Variants in RCAN2 observed in about 807,000 individuals in gnomAD.
RCAN2 encodes the protein calcipressin-2.
A neutral mutation model predicts 23.6 loss-of-function variants in RCAN2; 9 were observed. The ratio of observed to expected loss-of-function variants is 0.38; its 90% CI spans 0.23 to 0.67. The LOEUF (loss-of-function observed/expected upper bound fraction) is 0.67. Ranked by LOEUF, RCAN2 falls within the 30% of genes least tolerant of loss-of-function variation. The probability of loss-of-function intolerance (pLI) is 0.51; values close to 1 mark genes in which losing one functional copy is unlikely to be tolerated. For synonymous variants in RCAN2, 109 were observed against 115.7 expected (o/e 0.94, Z 0.37); for missense variants, 273 against 302.3 (o/e 0.90, Z 0.72).
At chr6:46,255,373 C>A (rs1029469281) in intron 2 of RCAN2, among the ~76,000 whole-genome samples, 2 of 151,900 alleles carry the variant, frequency 1.3e-5, no homozygotes, top group Non-Finnish European at 2.9e-5. Flanking sequence ...AGAAGAGAAA[C>A]CAGGAGTATC....
intron 1 of RCAN2, among the ~76,000 whole-genome samples, chr6:46,480,618 T>C (rs898937068): frequency 4.1e-5 from 6 of 145,686 alleles, no homozygotes; most frequent in Admixed American, 7.0e-5. Flanking sequence ...AAACTTATCA[T>C]GTAGAGTTAC....
At chr6:46,348,710 A>G (rs1233250237) in intron 2 of RCAN2, among the ~76,000 whole-genome samples, 1 of 152,158 alleles carries the variant, frequency 6.6e-6, no homozygotes, top group Non-Finnish European at 1.5e-5. Context: ...AAAGAATGGT[A>G]CCTCGGCATG....
chr6:46,467,799 G>A (rs574356690), intron 1 of RCAN2, among the ~76,000 whole-genome samples: 2 of 152,290 alleles, frequency 1.3e-5, no homozygotes, highest in South Asian at 4.1e-4. Context: ...AATTTCTGGT[G>A]GGTACTATGT....
chr6:46,246,786 T>A lies in RCAN2; in HGVS notation c.533A>T (p.Asn178Ile). The change falls in exon 4 of 5, where the codon AAC becomes ATC. Residue 178 changes from asparagine (N) to isoleucine (I), a missense_variant. Transcript: ENST00000371374. ...GGCCACAGCATAGAGGAGGTCATAG[T>A]TGAGGACTGGCGTGGCATCGTTGAT... is the stretch of plus-strand genomic sequence containing the variant. Reference protein sequence around the residue: ...QPINDATPVLNYDLLYAVAKL... With the variant: ...QPINDATPVLIYDLLYAVAKL... 1.2e-6 allele frequency: 2 copies of A among 1,613,718 alleles called. No individual in the cohort carries two copies. The highest frequency in any genetic ancestry group is 1.7e-6 in the Non-Finnish European group (2 of 1,179,860).
chr6:46,465,773 G>A lies in RCAN2; in HGVS notation c.-2-8795C>T, dbSNP rs558491494. Among the ~76,000 whole-genome samples the A allele has an allele frequency of 5.9e-5, 9 of 152,356 alleles. No homozygotes were observed. The South Asian group carries it at 8.3e-4, about 14-fold the overall frequency. On this transcript the variant is annotated intron_variant, in intron 1 of 4. Coordinates refer to ENST00000371374, the MANE Select transcript of RCAN2 (RefSeq NM_001251974.2). ...GAGGTCAGGCTCTGGGGCACAGGGC[G>A]CAGTGCAGAGGGATAAGGGTGGAGA...
At chr6:46,357,786 G>C (rs901557332) in intron 2 of RCAN2, among the ~76,000 whole-genome samples, 17 of 152,304 alleles carry the variant, frequency 1.1e-4, no homozygotes, top group Admixed American at 2.0e-4. Flanking sequence ...ACTCTAGCAG[G>C]AGTTGGCAAG....
intron 2 of RCAN2, among the ~76,000 whole-genome samples, chr6:46,307,439 G>T (rs1582088677): frequency 6.6e-6 from 1 of 152,054 alleles, no homozygotes; most frequent in Admixed American, 6.6e-5. Flanking sequence ...GTGTATGTGA[G>T]GGGAAGTTAA....
chr6:46,302,166 G>A (rs1216700168), intron 2 of RCAN2, among the ~76,000 whole-genome samples: 2 of 152,012 alleles, frequency 1.3e-5, no homozygotes, highest in African/African-American at 4.8e-5. Flanking sequence ...GGAGAGTATG[G>A]GAAAGAAAAC....
chr6:46,385,088 A>G (rs1765707509), intron 2 of RCAN2, among the ~76,000 whole-genome samples: 1 of 152,188 alleles, frequency 6.6e-6, no homozygotes, highest in Non-Finnish European at 1.5e-5. Context: ...AAATTTTCCA[A>G]ACTAAAATTT....
chr6:46,488,008 G>A (rs1241952815), intron 1 of RCAN2, among the ~76,000 whole-genome samples: 1 of 152,180 alleles, frequency 6.6e-6, no homozygotes, highest in Non-Finnish European at 1.5e-5. Context: ...AGCCTGAGAT[G>A]GGATGTGACT....
intron 2 of RCAN2, among the ~76,000 whole-genome samples, chr6:46,390,488 T>C (rs1249378940): frequency 6.6e-6 from 1 of 152,220 alleles, no homozygotes; most frequent in Non-Finnish European, 1.5e-5. Context: ...TAACTGCAGG[T>C]GGGTTCTCTA....
At chr6:46,359,971 A>T (rs865946190) in intron 2 of RCAN2, among the ~76,000 whole-genome samples, 14 of 152,276 alleles carry the variant, frequency 9.2e-5, no homozygotes, top group South Asian at 2.1e-4. Flanking sequence ...CCACCACCAT[A>T]TCTCTTGTCC....
At chr6:46,453,663 A>G (rs1305809428) in intron 2 of RCAN2, among the ~76,000 whole-genome samples, 4 of 152,248 alleles carry the variant, frequency 2.6e-5, no homozygotes, top group African/African-American at 9.6e-5. Flanking sequence ...TTCAATTCAT[A>G]AATTTCCTCA....
intron 1 of RCAN2, among the ~76,000 whole-genome samples, chr6:46,462,792 A>T (rs1036480722): frequency 1.3e-5 from 2 of 152,222 alleles, no homozygotes; most frequent in African/African-American, 4.8e-5. Context: ...GCTGGATATC[A>T]TTATTGTCAC....
At chr6:46,475,849 C>T (rs928340580) in intron 1 of RCAN2, among the ~76,000 whole-genome samples, 3 of 152,178 alleles carry the variant, frequency 2.0e-5, no homozygotes, top group Non-Finnish European at 4.4e-5. Flanking sequence ...CAACCATGAT[C>T]CCTGCCCTCA....
chr6:46,245,450 T>G (rs939390131), intron 4 of RCAN2, among the ~76,000 whole-genome samples: 1 of 152,140 alleles, frequency 6.6e-6, no homozygotes, highest in Admixed American at 6.5e-5. Context: ...GCAGTGAAGG[T>G]CCTATGGCCA....
intron 1 of RCAN2, among the ~76,000 whole-genome samples, chr6:46,469,032 AC>A (rs1768476238): frequency 6.6e-6 from 1 of 152,060 alleles, no homozygotes; most frequent in South Asian, 2.1e-4. Context: ...GGTTTCTATC[AC>A]ACCTCTGTTT....
chr6:46,360,533 CA>C (rs765916099), intron 2 of RCAN2, among the ~76,000 whole-genome samples: 2,588 of 33,412 alleles, frequency 0.077, 14 homozygotes, highest in African/African-American at 0.27. Context: ...GACTCCGTCT[CA>C]AAAAAAAAAA....
chr6:46,374,790 G>A (rs773609681), intron 2 of RCAN2, among the ~76,000 whole-genome samples: 2 of 152,092 alleles, frequency 1.3e-5, no homozygotes, highest in Non-Finnish European at 2.9e-5. Flanking sequence ...CCATAGAAAT[G>A]CAATGCATGT....
Sources: gnomAD v4.1 joint callset for allele counts (sites outside exome capture counted in the v4.1 genomes callset) on GRCh38, gnomAD v4.1.1 for gene constraint, MANE v1.5 for transcripts, NCBI Gene and HGNC (gene_info 2026-07-23, HGNC 2026-07-21) for gene names.